Variants in TRPC7 observed in about 807,000 individuals in gnomAD.
TRPC7 encodes the protein short transient receptor potential channel 7.
In TRPC7, 42 loss-of-function variants were observed where a neutral mutation model predicts 90.1. That is an observed-to-expected ratio of 0.47 (90% CI 0.36 to 0.60). The LOEUF (loss-of-function observed/expected upper bound fraction) is 0.60. Ranked by LOEUF, TRPC7 falls within the 20% of genes least tolerant of loss-of-function variation. The probability of loss-of-function intolerance (pLI) is 0.00; values close to 1 mark genes in which losing one functional copy is unlikely to be tolerated. For missense variants in TRPC7, 955 were observed against 1,112.3 expected (o/e 0.86, Z 2.01); for synonymous variants, 451 against 436.3 (o/e 1.03, Z -0.42).
chr5:136,284,033 G>T (rs1757631922), intron 3 of TRPC7, among the ~76,000 whole-genome samples: 1 of 152,156 alleles, frequency 6.6e-6, no homozygotes, highest in South Asian at 2.1e-4. Flanking sequence ...TGCCTACTCT[G>T]CCATCCAAGG....
chr5:136,353,928 G>T (rs1300995259), intron 2 of TRPC7, among the ~76,000 whole-genome samples: 1 of 152,142 alleles, frequency 6.6e-6, no homozygotes, highest in South Asian at 2.1e-4. Flanking sequence ...TGCAAATACT[G>T]AAATATGCCA....
chr5:136,298,256 A>G (rs894354349), intron 3 of TRPC7, among the ~76,000 whole-genome samples: 1 of 152,118 alleles, frequency 6.6e-6, no homozygotes, highest in Non-Finnish European at 1.5e-5. Flanking sequence ...GCCAGCAGAG[A>G]CCTGAGGGAA....
chr5:136,233,469 G>C (rs547104939), intron 7 of TRPC7, among the ~76,000 whole-genome samples: 1 of 152,160 alleles, frequency 6.6e-6, no homozygotes, highest in Non-Finnish European at 1.5e-5. Context: ...TATCACACTC[G>C]TGGAAGGGAA....
intron 3 of TRPC7, among the ~76,000 whole-genome samples, chr5:136,306,292 T>C (rs539263392): frequency 8.5e-5 from 13 of 152,186 alleles, no homozygotes; most frequent in Non-Finnish European, 1.6e-4. Context: ...TTCCATTTAG[T>C]TTTTCAATTC....
At chr5:136,245,538 G>C (rs548008108) in intron 7 of TRPC7, among the ~76,000 whole-genome samples, 2 of 152,148 alleles carry the variant, frequency 1.3e-5, no homozygotes, top group African/African-American at 4.8e-5. Context: ...TGAGGGGCAG[G>C]GATCAGAGCC....
At chr5:136,300,437 C>T (rs1051795898) in intron 3 of TRPC7, among the ~76,000 whole-genome samples, 1 of 152,210 alleles carries the variant, frequency 6.6e-6, no homozygotes, top group Non-Finnish European at 1.5e-5. Context: ...TTCTCCCTGA[C>T]TGTACAGGGC....
chr5:136,292,438 G>A (rs539110594), intron 3 of TRPC7, among the ~76,000 whole-genome samples: 55 of 152,058 alleles, frequency 3.6e-4, no homozygotes, highest in East Asian at 7.7e-4. Context: ...TTAAATAGAC[G>A]CAATAAAAAA....
In TRPC7 at chr5:136,292,359, GT is replaced by G. The variant is rs1223082478; in HGVS notation, c.964-17523del. Among the ~76,000 whole-genome samples, 4 of 152,092 alleles carry G rather than the reference GT, an allele frequency of 2.6e-5. No individual in the cohort carries two copies. The East Asian group carries it at 7.7e-4, about 29-fold the overall frequency. On this transcript the variant is annotated intron_variant, in intron 3 of 11. Coordinates refer to ENST00000513104, the MANE Select transcript of TRPC7 (RefSeq NM_020389.3). Reference sequence around the variant, plus strand: ...AAAAAATCAATGAATCCAGGAGCTGGTTTTTTGAAAAGATCAACAAAATTGA... The same window carrying G: ...AAAAAATCAATGAATCCAGGAGCTGGTTTTTGAAAAGATCAACAAAATTGA...
chr5:136,327,071 C>T (rs569061582), intron 2 of TRPC7, among the ~76,000 whole-genome samples: 33 of 152,034 alleles, frequency 2.2e-4, no homozygotes, highest in Non-Finnish European at 3.5e-4. Context: ...CATAGGCTCT[C>T]GATGACTAAG....
At chr5:136,299,381 T>A (rs949415371) in intron 3 of TRPC7, among the ~76,000 whole-genome samples, 1 of 100,640 alleles carries the variant, frequency 9.9e-6, no homozygotes, top group African/African-American at 3.9e-5. Flanking sequence ...GTGTGTGTGG[T>A]GGAGGAGGAG....
chr5:136,304,756 T>C (rs996445392), intron 3 of TRPC7, among the ~76,000 whole-genome samples: 3 of 152,192 alleles, frequency 2.0e-5, no homozygotes, highest in Non-Finnish European at 4.4e-5. Flanking sequence ...ATAATTCTCA[T>C]AAAAACACAC....
At chr5:136,302,915 G>T (rs145935736) in intron 3 of TRPC7, among the ~76,000 whole-genome samples, 36 of 151,934 alleles carry the variant, frequency 2.4e-4, no homozygotes, top group African/African-American at 8.5e-4. Flanking sequence ...AACCCCAAGC[G>T]TCACTGAGTC....
At chr5:136,233,704 T>G (rs1755889279) in intron 7 of TRPC7, among the ~76,000 whole-genome samples, 1 of 152,200 alleles carries the variant, frequency 6.6e-6, no homozygotes. Context: ...GAGAAAGGCT[T>G]TACCCAAATT....
At chr5:136,260,161 T>C (rs1230353343) in intron 5 of TRPC7, among the ~76,000 whole-genome samples, 1 of 152,158 alleles carries the variant, frequency 6.6e-6, no homozygotes, top group Non-Finnish European at 1.5e-5. Flanking sequence ...AAAGAGGTGA[T>C]TGGGAAAACC....
At chr5:136,349,804 T>C (rs1309376402) in intron 2 of TRPC7, among the ~76,000 whole-genome samples, 1 of 152,162 alleles carries the variant, frequency 6.6e-6, no homozygotes, top group Non-Finnish European at 1.5e-5. Context: ...TGAAGTACAG[T>C]CATGCATGGC....
chr5:136,232,164 C>G (rs1755839587), intron 7 of TRPC7, among the ~76,000 whole-genome samples: 4 of 152,124 alleles, frequency 2.6e-5, no homozygotes, highest in Admixed American at 2.6e-4. Context: ...AATTAAACAC[C>G]TGGGTAAATG....
At chr5:136,307,325 AT>A (rs1465981143) in intron 3 of TRPC7, among the ~76,000 whole-genome samples, 1 of 152,010 alleles carries the variant, frequency 6.6e-6, no homozygotes, top group African/African-American at 2.4e-5. Flanking sequence ...GGTAACTGTG[AT>A]TCTACTCTCT....
At chr5:136,356,033 T>C (rs1327016376) in intron 2 of TRPC7, among the ~76,000 whole-genome samples, 2 of 152,198 alleles carry the variant, frequency 1.3e-5, no homozygotes, top group Non-Finnish European at 2.9e-5. Flanking sequence ...GTTGACACAC[T>C]CTACAGAGAC....
chr5:136,247,540 G>A lies in TRPC7; in HGVS notation c.1775C>T (p.Ala592Val). Residue 592 changes from alanine (A) to valine (V), a missense_variant, in exon 7 of 12, where the codon GCC (alanine) becomes GTC (valine). Transcript: ENST00000513104. This position sits in a 1 kb window ranked among gnomAD's most constrained non-coding sequence, Gnocchi z 4.2. ...FMVIFIMVFV[A>V]FMIGMFNLYS... ...CAGGTTGAACATCCCAATCATGAAG[G>A]CCACAAATACCATGATGAAAATGAC... The A allele has an allele frequency of 6.2e-7, 1 of 1,613,886 alleles. No individual in the cohort carries two copies. The highest frequency in any genetic ancestry group is 1.7e-5 in the Admixed American group (1 of 60,016).
Sources: allele counts gnomAD v4.1 joint callset (sites outside exome capture counted in the v4.1 genomes callset), GRCh38; gene constraint gnomAD v4.1.1; non-coding constraint Gnocchi (gnomAD v3.1); transcripts MANE v1.5; gene names NCBI Gene and HGNC (gene_info 2026-07-23, HGNC 2026-07-21).